Variants in CACNA2D1 observed in about 807,000 individuals in gnomAD.
CACNA2D1 encodes the protein calcium voltage-gated channel auxiliary subunit alpha2delta 1.
Under a neutral mutation model 171.5 loss-of-function variants are expected in CACNA2D1, and 53 were observed. The observed-to-expected ratio is 0.31, with a 90% CI of 0.25 to 0.39. The LOEUF is 0.39. Among genes scored for constraint, CACNA2D1 ranks in the 10% least tolerant of loss-of-function variants. CACNA2D1 has a pLI of 1.00. For synonymous variants in CACNA2D1, 442 were observed against 443.1 expected (o/e 1.00, Z 0.03); for missense variants, 903 against 1,299.8 (o/e 0.69, Z 4.69).
intron 3 of CACNA2D1, among the ~76,000 whole-genome samples, chr7:82,230,152 T>C (rs1217736305): frequency 6.6e-6 from 1 of 152,070 alleles, no homozygotes; most frequent in East Asian, 1.9e-4. Context: ...GTGACTAGAG[T>C]CCCTCCTTTG....
intron 1 of CACNA2D1, among the ~76,000 whole-genome samples, chr7:82,387,743 T>C (rs1428711547): frequency 6.6e-6 from 1 of 152,154 alleles, no homozygotes; most frequent in African/African-American, 2.4e-5. Flanking sequence ...TACATTAGAA[T>C]AGCTTAAGTG....
intron 4 of CACNA2D1, among the ~76,000 whole-genome samples, chr7:82,144,924 A>C (rs1032635684): frequency 5.9e-5 from 9 of 151,808 alleles, no homozygotes; most frequent in Admixed American, 5.3e-4. Flanking sequence ...ATGAAATCAT[A>C]ATCTGTTCCT....
rs1162659394 is a variant in CACNA2D1, at chr7:82,421,756, G to GT, written c.95+21608_95+21609insA. On this transcript the variant is annotated intron_variant, in intron 1 of 38. Transcript: ENST00000356860. ...TCAGAACTCATCAGACCACAGATGCGCCTTAATTCACCATCTCATTGCAAA... is the reference window on the plus strand; with the variant it reads ...TCAGAACTCATCAGACCACAGATGCGTCCTTAATTCACCATCTCATTGCAAA... Among the ~76,000 whole-genome samples the GT allele has an allele frequency of 2.6e-5, 4 of 152,080 alleles. No individual in the cohort carries two copies. In the East Asian group the frequency reaches 7.7e-4, roughly 29 times the overall value.
At chr7:82,309,781 G>C (rs547574521) in intron 3 of CACNA2D1, among the ~76,000 whole-genome samples, 1 of 152,100 alleles carries the variant, frequency 6.6e-6, no homozygotes, top group Non-Finnish European at 1.5e-5. Flanking sequence ...TCTGTCCTGG[G>C]TTGTAAACCT....
intron 2 of CACNA2D1, among the ~76,000 whole-genome samples, chr7:82,341,009 A>G (rs553410576): frequency 6.6e-6 from 1 of 152,286 alleles, no homozygotes; most frequent in African/African-American, 2.4e-5. Flanking sequence ...GATACCCACA[A>G]AATCAATTTC....
intron 34 of CACNA2D1, among the ~76,000 whole-genome samples, chr7:81,963,100 T>TA (rs1284420405): frequency 7.2e-5 from 11 of 151,922 alleles, no homozygotes; most frequent in Non-Finnish European, 1.5e-4. Context: ...GGATATAGGA[T>TA]AAAGCCAAGT....
intron 3 of CACNA2D1, among the ~76,000 whole-genome samples, chr7:82,303,667 G>A (rs540494285): frequency 1.2e-4 from 18 of 152,084 alleles, no homozygotes; most frequent in African/African-American, 1.9e-4. Context: ...TTACAAAAGC[G>A]CTAAGTTGAA....
chr7:82,371,950 T>A (rs1028651568), intron 1 of CACNA2D1, among the ~76,000 whole-genome samples: 1 of 152,184 alleles, frequency 6.6e-6, no homozygotes, highest in African/African-American at 2.4e-5. Flanking sequence ...AATCATTTAT[T>A]CTAGATGAGA....
intron 3 of CACNA2D1, among the ~76,000 whole-genome samples, chr7:82,326,582 T>C (rs1816677892): frequency 6.6e-6 from 1 of 152,260 alleles, no homozygotes; most frequent in Non-Finnish European, 1.5e-5. Context: ...TAAATGCTAC[T>C]GATTAATTTG....
chr7:82,317,830 A>G (rs148856972), intron 3 of CACNA2D1, among the ~76,000 whole-genome samples: 4,721 of 152,054 alleles, frequency 0.031, 125 homozygotes, highest in Non-Finnish European at 0.045. Flanking sequence ...GCTCCAATAA[A>G]CAGTTATTTG....
intron 1 of CACNA2D1, among the ~76,000 whole-genome samples, chr7:82,389,398 A>G (rs1186552267): frequency 1.3e-5 from 2 of 152,026 alleles, no homozygotes; most frequent in African/African-American, 4.8e-5. Context: ...TATTTAACAA[A>G]CACTTTGATC....
At chr7:82,358,025 T>C (rs1820661412) in intron 1 of CACNA2D1, among the ~76,000 whole-genome samples, 2 of 152,212 alleles carry the variant, frequency 1.3e-5, no homozygotes, top group Non-Finnish European at 1.5e-5. Context: ...ATAAGAGACA[T>C]AGTTATGCCC....
intron 1 of CACNA2D1, among the ~76,000 whole-genome samples, chr7:82,393,505 C>G (rs1563484276): frequency 6.6e-6 from 1 of 151,878 alleles, no homozygotes; most frequent in African/African-American, 2.4e-5. Flanking sequence ...AAATTTAAGC[C>G]CTTGGCTGTT....
chr7:82,189,147 C>A (rs981834156), intron 3 of CACNA2D1, among the ~76,000 whole-genome samples: 1 of 151,970 alleles, frequency 6.6e-6, no homozygotes, highest in Non-Finnish European at 1.5e-5. Context: ...AACAAACCTG[C>A]ACATGTACCC....
chr7:81,997,753 T>G (rs1418908763), intron 18 of CACNA2D1, among the ~76,000 whole-genome samples: 2 of 151,926 alleles, frequency 1.3e-5, no homozygotes, highest in African/African-American at 4.8e-5. Context: ...TTCTTCCTTC[T>G]GAAAGTATAT....
intron 1 of CACNA2D1, among the ~76,000 whole-genome samples, chr7:82,400,086 G>A (rs867214217): frequency 6.6e-6 from 1 of 150,984 alleles, no homozygotes; most frequent in African/African-American, 2.4e-5. Context: ...CCAGTACCAT[G>A]CTGTTTTGGT....
At chr7:82,060,165 A>T (rs12154808) in intron 10 of CACNA2D1, among the ~76,000 whole-genome samples, 8 of 22,226 alleles carry the variant, frequency 3.6e-4, no homozygotes, top group East Asian at 4.0e-3. Context: ...ATATATATAT[A>T]ATATATATAT....
At chr7:82,367,009 C>A (rs1420482748) in intron 1 of CACNA2D1, among the ~76,000 whole-genome samples, 4 of 143,866 alleles carry the variant, frequency 2.8e-5, no homozygotes, top group African/African-American at 1.0e-4. Context: ...TGGGCTCAAA[C>A]AATTCTCCTG....
rs950979861 is a variant in CACNA2D1 at position 82,288,129 on chromosome 7, C to T, written c.294+47006G>A. ...TGCTGGGATTACAGGCGTGAGCCAC[C>T]GCGCCCGGCCCCAAGTTTTTTATAT... On this transcript the variant is annotated intron_variant, in intron 3 of 38. Transcript: ENST00000356860. 4.7e-4 allele frequency among the ~76,000 whole-genome samples: 72 copies of T among 151,892 alleles called. 1 individual carries two copies. The highest frequency in any genetic ancestry group is 5.9e-4 in the Admixed American group (9 of 15,258).
Sources: gnomAD v4.1 joint callset for allele counts (sites outside exome capture counted in the v4.1 genomes callset) on GRCh38, gnomAD v4.1.1 for gene constraint, MANE v1.5 for transcripts, NCBI Gene and HGNC (gene_info 2026-07-23, HGNC 2026-07-21) for gene names.